The following THAP4 variants were observed in gnomAD, a reference collection of about 807,000 sequenced individuals.
THAP4 encodes peroxynitrite isomerase THAP4.
THAP4 carries 18 observed loss-of-function variants against 48.1 expected under a neutral mutation model. The observed-to-expected ratio is 0.37, with a 90% confidence interval of 0.26 to 0.56. The LOEUF (loss-of-function observed/expected upper bound fraction) is 0.56. Among genes scored for constraint, THAP4 ranks in the 20% least tolerant of loss-of-function variants. The pLI, the probability that THAP4 is intolerant of heterozygous loss-of-function variation, is 0.78. For synonymous variants in THAP4, 345 were observed against 324.9 expected, an observed-to-expected ratio of 1.06 and a Z score of -0.66; for missense variants, 656 against 774.9, an observed-to-expected ratio of 0.85 and a Z score of 1.82.
At chr2:241,627,165 G>A (rs1447673087) in intron 2 of THAP4, among the ~76,000 whole-genome samples, 3 of 152,144 alleles carry the variant, frequency 2.0e-5, no homozygotes, top group South Asian at 2.1e-4. Context: ...CTCAAGTTAC[G>A]AACCAATACT....
intron 2 of THAP4, among the ~76,000 whole-genome samples, chr2:241,614,453 C>T (rs1017886076): frequency 2.0e-5 from 3 of 152,132 alleles, no homozygotes; most frequent in South Asian, 2.1e-4. Flanking sequence ...TGATGACACA[C>T]GAAGATGTCG....
chr2:241,621,912 T>C (rs1243831238), intron 2 of THAP4, among the ~76,000 whole-genome samples: 2 of 150,950 alleles, frequency 1.3e-5, no homozygotes, highest in African/African-American at 4.9e-5. Flanking sequence ...GAATAAGAAT[T>C]ACAGCAGACT....
intron 4 of THAP4, among the ~76,000 whole-genome samples, chr2:241,602,519 C>T (rs924363824): frequency 6.6e-6 from 1 of 152,188 alleles, no homozygotes; most frequent in Non-Finnish European, 1.5e-5. Flanking sequence ...GCATGCACCA[C>T]CACACCCAGC....
chr2:241,622,170 G>C (rs2067436756), intron 2 of THAP4, among the ~76,000 whole-genome samples: 1 of 152,244 alleles, frequency 6.6e-6, no homozygotes, highest in Non-Finnish European at 1.5e-5. Flanking sequence ...AGGAGTTCGA[G>C]ACCAGTCTGG....
chr2:241,591,134 ACACT>A (rs2066972717), intron 5 of THAP4, among the ~76,000 whole-genome samples: 2 of 103,366 alleles, frequency 1.9e-5, no homozygotes, highest in Non-Finnish European at 4.1e-5. Context: ...GGGCACTAGG[ACACT>A]CAGAACTGCC....
rs146561503 is a variant in THAP4 at position 241,591,374 on chromosome 2, C to T, written c.1615-6649G>A. Reference sequence around the variant, plus strand: ...TGGGACTGTTCTCAGTCTTGACTGGCGCAGCGTTACAAGATTATATATGCT... The same window carrying T: ...TGGGACTGTTCTCAGTCTTGACTGGTGCAGCGTTACAAGATTATATATGCT... On this transcript the variant is annotated intron_variant, in intron 5 of 5. Coordinates refer to ENST00000407315, the MANE Select transcript of THAP4 (RefSeq NM_015963.6). Among the ~76,000 whole-genome samples, 174 of 152,276 alleles carry T rather than the reference C, an allele frequency of 1.1e-3. 1 individual carries two copies. Among genetic ancestry groups the T allele is most frequent in the African/African-American group, 3.7e-3 (153 of 41,542 alleles).
chr2:241,585,961 A>G (rs1446756017), intron 5 of THAP4, among the ~76,000 whole-genome samples: 6 of 150,710 alleles, frequency 4.0e-5, no homozygotes, highest in Non-Finnish European at 7.4e-5. Flanking sequence ...AAGAAAGAAA[A>G]AAAGCACCCT....
chr2:241,587,104 T>TGACC (rs1347367841), intron 5 of THAP4, among the ~76,000 whole-genome samples: 1 of 152,074 alleles, frequency 6.6e-6, no homozygotes, highest in African/African-American at 2.4e-5. Context: ...AGGTCAAAGG[T>TGACC]GACCGATTAA....
At chr2:241,614,319 G>A (rs751188613) in intron 2 of THAP4, among the ~76,000 whole-genome samples, 2 of 152,118 alleles carry the variant, frequency 1.3e-5, no homozygotes, top group Non-Finnish European at 2.9e-5. Flanking sequence ...TTAGCATCAC[G>A]TAAAATGCAT....
At chr2:241,587,596 C>A (rs760744179) in intron 5 of THAP4, among the ~76,000 whole-genome samples, 12 of 152,124 alleles carry the variant, frequency 7.9e-5, no homozygotes, top group Non-Finnish European at 1.6e-4. Flanking sequence ...AATAAGTCTC[C>A]AACATTTTTT....
At position 241,606,378 on chromosome 2, in the gene THAP4, G is replaced by T; in HGVS notation, c.1336C>A (p.Gln446Lys). 6.3e-7 allele frequency: 1 copy of T among 1,591,926 alleles called. No homozygotes were observed. The highest frequency in any genetic ancestry group is 8.6e-7 in the Non-Finnish European group (1 of 1,169,276). Residue 446 changes from glutamine (Q) to lysine (K), a missense_variant, in exon 3 of 6, where the codon CAG (glutamine) becomes AAG (lysine). Gln to Lys is a moderately conservative substitution (Grantham distance 53). Transcript: ENST00000407315. Reference protein sequence around the residue: ...PPGAGTYPTLQPFQYLEEVHI... With the variant: ...PPGAGTYPTLKPFQYLEEVHI... The stretch of plus-strand genomic sequence containing the variant: ...ACCTCCTCCAGGTACTGGAAGGGCT[G>T]CAGTGTGGGGTAGGTCCCGGCTCCA...
intron 5 of THAP4, among the ~76,000 whole-genome samples, chr2:241,598,022 G>C (rs1329789006): frequency 6.7e-6 from 1 of 149,482 alleles, no homozygotes; most frequent in African/African-American, 2.4e-5. Context: ...GATAACCTCT[G>C]ACAAGTATGA....
intron 5 of THAP4, among the ~76,000 whole-genome samples, chr2:241,592,879 G>A (rs2067003464): frequency 6.6e-6 from 1 of 152,108 alleles, no homozygotes; most frequent in Non-Finnish European, 1.5e-5. Context: ...GTCTGTACGG[G>A]GAAAAAGGGA....
At chr2:241,626,373 G>A (rs967184341) in intron 2 of THAP4, among the ~76,000 whole-genome samples, 3 of 151,954 alleles carry the variant, frequency 2.0e-5, no homozygotes, top group African/African-American at 4.8e-5. Flanking sequence ...CCAGGGAGTC[G>A]GAGGTTGCAG....
chr2:241,599,983 C>T (rs967379520), intron 5 of THAP4, among the ~76,000 whole-genome samples: 2 of 151,540 alleles, frequency 1.3e-5, no homozygotes, highest in South Asian at 2.1e-4. Flanking sequence ...CTGAGGCAGG[C>T]GGATCACTTG....
intron 4 of THAP4, among the ~76,000 whole-genome samples, chr2:241,602,373 T>TC (rs2067126216): frequency 1.5e-5 from 2 of 135,740 alleles, no homozygotes; most frequent in Non-Finnish European, 3.4e-5. Flanking sequence ...TTTTTTTTTC[T>TC]TTTTTTTTTG....
At chr2:241,590,574 T>A (rs1314655819) in intron 5 of THAP4, among the ~76,000 whole-genome samples, 5 of 145,306 alleles carry the variant, frequency 3.4e-5, no homozygotes, top group African/African-American at 1.3e-4. Context: ...CGGCTGATGA[T>A]GAGGGGCACT....
Position 241,633,302 on chromosome 2 carries a change from G to A in THAP4, c.855C>T (p.Pro285=), listed in dbSNP as rs766196841. 2 of 1,612,200 alleles carry A rather than the reference G, an allele frequency of 1.2e-6. No homozygotes were observed. Among genetic ancestry groups the A allele is most frequent in the African/African-American group, 2.7e-5 (2 of 74,900 alleles). Reference sequence around the variant, plus strand: ...GCGGTGTCGCGGTAAGTGATGAGCTGGGAGGGCTCTGGGCCAGGCCCTTGT... The same window carrying A: ...GCGGTGTCGCGGTAAGTGATGAGCTAGGAGGGCTCTGGGCCAGGCCCTTGT... ...GPDKGLAQSP[P]SSSLTATPQK... Residue 285 remains proline (P), a synonymous_variant, in exon 2 of 6, where the codon CCC becomes CCT. Coordinates refer to ENST00000407315, the MANE Select transcript of THAP4 (RefSeq NM_015963.6). The surrounding 1 kb of genome is among the most constrained non-coding windows in gnomAD (Gnocchi z 7.5).
Position 241,634,186 on chromosome 2 carries a change from T to C in THAP4, c.78-107A>G, listed in dbSNP as rs1252629848. On this transcript the variant is annotated intron_variant, in intron 1 of 5. Coordinates refer to ENST00000407315, the MANE Select transcript of THAP4 (RefSeq NM_015963.6). ...ATTTTTGCACGCACCCTAAGCCGTA[T>C]TGACTTCATCCACTTAAAAAAATAC... 8.9e-6 allele frequency: 7 copies of C among 790,580 alleles called. No homozygotes were observed. The Admixed American group carries it at 1.7e-4, about 20-fold the overall frequency. The allele number at this position is 790,580 out of a possible 1,614,324, so 49.0% of individuals were successfully genotyped here.
Sources: gnomAD v4.1 joint callset for allele counts (sites outside exome capture counted in the v4.1 genomes callset) on GRCh38, gnomAD v4.1.1 for gene constraint, Gnocchi (gnomAD v3.1) non-coding constraint, MANE v1.5 for transcripts, NCBI Gene and HGNC (gene_info 2026-07-23, HGNC 2026-07-21) for gene names.